The following ZBTB8A variants were observed in gnomAD, a reference collection of about 807,000 sequenced individuals.
ZBTB8A encodes the protein zinc finger and BTB domain-containing protein 8A.
A neutral mutation model predicts 37.8 loss-of-function variants in ZBTB8A; 19 were observed. That is an observed-to-expected ratio of 0.50 (90% CI 0.35 to 0.74). The LOEUF is 0.74. Among genes scored for constraint, ZBTB8A ranks in the 30% least tolerant of loss-of-function variants. ZBTB8A has a pLI of 0.01. For missense variants in ZBTB8A, 394 were observed against 537.8 expected, an observed-to-expected ratio of 0.73 and a Z score of 2.65; for synonymous variants, 181 against 185.2, an observed-to-expected ratio of 0.98 and a Z score of 0.19.
intron 2 of ZBTB8A, among the ~76,000 whole-genome samples, chr1:32,579,938 A>G (rs1007527656): frequency 5.3e-5 from 8 of 152,182 alleles, no homozygotes; most frequent in African/African-American, 1.9e-4. Context: ...ATAATAACTT[A>G]TTATTTCTAA....
chr1:32,562,164 C>T (rs1444156967), intron 2 of ZBTB8A, among the ~76,000 whole-genome samples: 7 of 148,310 alleles, frequency 4.7e-5, no homozygotes, highest in African/African-American at 1.8e-4. Context: ...CTATGTTGCT[C>T]AGGCTGGTCT....
chr1:32,568,217 G>A (rs1051630728), intron 2 of ZBTB8A, among the ~76,000 whole-genome samples: 6 of 151,992 alleles, frequency 3.9e-5, no homozygotes, highest in East Asian at 1.9e-4. Flanking sequence ...TTTAATGTTC[G>A]ACATATGTTC....
intron 4 of ZBTB8A, among the ~76,000 whole-genome samples, chr1:32,596,064 G>T (rs1644529013): frequency 6.6e-6 from 1 of 151,990 alleles, no homozygotes. Flanking sequence ...CTTGAGGCCA[G>T]TTCAGTTCAA....
chr1:32,600,856 C>T lies in ZBTB8A; in HGVS notation c.*437C>T, dbSNP rs1644570536. ...ACCAATGTTTAATTTCACAGGGAAC[C>T]AGTTAAGAGCACATTTAAGGATCTG... On this transcript the variant is annotated 3_prime_UTR_variant, in exon 5 of 5. Coordinates refer to ENST00000373510, the MANE Select transcript of ZBTB8A (RefSeq NM_001040441.3). 1 of 161,466 alleles carries T rather than the reference C, an allele frequency of 6.2e-6. No homozygotes were observed. The highest frequency in any genetic ancestry group is 1.4e-5 in the Non-Finnish European group (1 of 73,766). 10.0% of individuals were successfully genotyped at this position (161,466 alleles called of 1,614,324 possible). A position where few individuals can be genotyped will look rare whatever the true frequency, so the allele number is the denominator to read the frequency against.
chr1:32,593,068 G>A lies in ZBTB8A; in HGVS notation c.137G>A (p.Ser46Asn). 1 of 1,614,182 alleles carries A rather than the reference G, an allele frequency of 6.2e-7. No individual in the cohort carries two copies. Among genetic ancestry groups the A allele is most frequent in the South Asian group, 1.1e-5 (1 of 91,084 alleles). The stretch of plus-strand genomic sequence containing the variant: ...CATCGAAATGTATTATTCGCTAGTA[G>A]CGGCTACTTTAAAATGCTTCTTTCT... ...KAHRNVLFAS[S>N]GYFKMLLSQN... Residue 46 changes from serine to asparagine, a missense_variant, in exon 3 of 5, where the codon AGC becomes AAC. By Grantham distance (46) the Ser-to-Asn change is conservative. This residue lies in a region of ZBTB8A where 96 missense variants were observed against 165.6 expected (regional missense o/e 0.58). Coordinates refer to ENST00000373510, the MANE Select transcript of ZBTB8A (RefSeq NM_001040441.3).
In ZBTB8A at chr1:32,573,101, C is replaced by G. The variant is rs371619452; in HGVS notation, c.-2+19561C>G. On this transcript the variant is annotated intron_variant, in intron 2 of 4. Transcript: ENST00000373510. ...TTTTTTTTTTTTTGAGACTGGGTCT[C>G]CCTCTGTCACCCAGGCTGGAGTGCA... is the stretch of plus-strand genomic sequence containing the variant. Among the ~76,000 whole-genome samples, 1,033 of 135,936 alleles carry G rather than the reference C, an allele frequency of 7.6e-3. 17 individuals are homozygous for G. The highest frequency in any genetic ancestry group is 0.027 in the African/African-American group (952 of 35,758). 89.2% of individuals were successfully genotyped at this position (135,936 alleles called of 152,430 possible).
chr1:32,542,637 T>C (rs931631668), intron 1 of ZBTB8A, among the ~76,000 whole-genome samples: 4 of 152,210 alleles, frequency 2.6e-5, no homozygotes, highest in African/African-American at 4.8e-5. Context: ...TACTTAAATC[T>C]TCAGTCTACT....
At position 32,546,567 on chromosome 1, in the gene ZBTB8A, G is replaced by A. The variant is rs555769523; in HGVS notation, c.-83-6892G>A. On this transcript the variant is annotated intron_variant, in intron 1 of 4. Transcript: ENST00000373510. ...ACTGAAGCAGGATCACTTGAGCCCC[G>A]GAGGCCAAGGCTGCAGTGAGCCAAG... Among the ~76,000 whole-genome samples the A allele has an allele frequency of 7.9e-5, 12 of 152,280 alleles. No individual in the cohort carries two copies. In the South Asian group the frequency reaches 2.5e-3, roughly 32 times the overall value.
chr1:32,572,879 T>TC (rs1557709569), intron 2 of ZBTB8A, among the ~76,000 whole-genome samples: 2 of 151,912 alleles, frequency 1.3e-5, no homozygotes, highest in African/African-American at 4.8e-5. Context: ...TTTTTTTTTT[T>TC]CTTGGTTGAT....
chr1:32,582,074 A>G (rs1388057687), intron 2 of ZBTB8A, among the ~76,000 whole-genome samples: 2 of 152,088 alleles, frequency 1.3e-5, no homozygotes, highest in Non-Finnish European at 2.9e-5. Flanking sequence ...TGACCCAACT[A>G]CCTTGTTTCA....
rs1644344296 is a variant in ZBTB8A, at chr1:32,574,223, A to G, written c.-1-18708A>G. Among the ~76,000 whole-genome samples, 4 of 152,186 alleles carry G rather than the reference A, an allele frequency of 2.6e-5. 1 individual carries two copies. The highest frequency in any genetic ancestry group is 2.6e-4 in the Admixed American group (4 of 15,262). On this transcript the variant is annotated intron_variant, in intron 2 of 4. Transcript: ENST00000373510. ...GAAGTTTAATGTTTAATTTCCAAGT[A>G]TTTCAGGATTTTCATGTGCTATTGA...
chr1:32,581,360 A>AT (rs1491507289), intron 2 of ZBTB8A, among the ~76,000 whole-genome samples: 1 of 131,218 alleles, frequency 7.6e-6, no homozygotes, highest in African/African-American at 2.9e-5. Flanking sequence ...TTATATATAT[A>AT]TTTTTTTTGA....
intron 1 of ZBTB8A, among the ~76,000 whole-genome samples, chr1:32,548,373 C>T (rs980489355): frequency 1.3e-5 from 2 of 151,982 alleles, no homozygotes; most frequent in South Asian, 2.1e-4. Context: ...CTCACTCAGC[C>T]GCCCAGGCTG....
At chr1:32,579,501 T>C (rs562689632) in intron 2 of ZBTB8A, among the ~76,000 whole-genome samples, 3 of 151,942 alleles carry the variant, frequency 2.0e-5, no homozygotes, top group African/African-American at 7.2e-5. Flanking sequence ...CTTCCAACTC[T>C]GTGTGAGCTC....
At chr1:32,543,190 TCTC>T (rs1387789950) in intron 1 of ZBTB8A, among the ~76,000 whole-genome samples, 3 of 152,010 alleles carry the variant, frequency 2.0e-5, no homozygotes, top group East Asian at 1.9e-4. Context: ...GTCAAGCAAT[TCTC>T]CTACCTCAGC....
chr1:32,601,066 A>G lies in ZBTB8A; in HGVS notation c.*647A>G, dbSNP rs1644572011. Reference sequence around the variant, plus strand: ...TCTCAGTATTGTTAAAAAAAAAAAAAAGTAGAGGCTGGCCAAAGATTATAT... The same window carrying G: ...TCTCAGTATTGTTAAAAAAAAAAAAGAGTAGAGGCTGGCCAAAGATTATAT... On this transcript the variant is annotated 3_prime_UTR_variant, in exon 5 of 5. Transcript: ENST00000373510. 6.6e-6 allele frequency: 1 copy of G among 152,182 alleles called. No individual in the cohort carries two copies. Among genetic ancestry groups the G allele is most frequent in the African/African-American group, 2.4e-5 (1 of 41,438 alleles). The allele number at this position is 152,182 out of a possible 1,614,324, so 9.4% of individuals were successfully genotyped here.
chr1:32,583,643 TAATTA>T (rs1389487299), intron 2 of ZBTB8A, among the ~76,000 whole-genome samples: 1 of 152,122 alleles, frequency 6.6e-6, no homozygotes, highest in African/African-American at 2.4e-5. Context: ...ATTGAAGATG[TAATTA>T]AATTAAGACA....
rs372787505 is a variant in ZBTB8A at position 32,598,700 on chromosome 1, T to C, written c.994-1387T>C. On this transcript the variant is annotated intron_variant, in intron 4 of 4. Coordinates refer to ENST00000373510, the MANE Select transcript of ZBTB8A (RefSeq NM_001040441.3). ...TCTGACAGCTATTGAACAAAATTGT[T>C]TATTACTAATTATAATACGTAATTA... Among the ~76,000 whole-genome samples the C allele has an allele frequency of 2.6e-5, 4 of 152,324 alleles. No homozygotes were observed. In the East Asian group the frequency reaches 7.7e-4, roughly 29 times the overall value.
intron 2 of ZBTB8A, among the ~76,000 whole-genome samples, chr1:32,571,076 A>G (rs1644319354): frequency 6.6e-6 from 1 of 151,930 alleles, no homozygotes. Context: ...GGGCTTCACC[A>G]TGTTGGTCAG....
Sources: allele counts gnomAD v4.1 joint callset (sites outside exome capture counted in the v4.1 genomes callset), GRCh38; gene constraint gnomAD v4.1.1; regional missense constraint gnomAD v4.1.1; transcripts MANE v1.5; gene names NCBI Gene and HGNC (gene_info 2026-07-23, HGNC 2026-07-21).